The following SMARCAD1 variants were observed in gnomAD, a reference collection of about 807,000 sequenced individuals.
The protein encoded by SMARCAD1 is SNF2 related chromatin remodeling ATPase with DExD box 1, also known as SWI/SNF-related matrix-associated actin-dependent regulator of chromatin subfamily A containing DEAD/H box 1.
A neutral mutation model predicts 127.1 loss-of-function variants in SMARCAD1; 25 were observed. The observed-to-expected ratio is 0.20, with a 90% CI of 0.14 to 0.27. The LOEUF (loss-of-function observed/expected upper bound fraction) is 0.27, where lower values mean the gene tolerates loss of function less well. Ranked by LOEUF, SMARCAD1 falls within the 10% of genes least tolerant of loss-of-function variation. SMARCAD1 has a pLI of 1.00. For missense variants in SMARCAD1, 807 were observed against 1,206.0 expected (o/e 0.67, Z 4.90); for synonymous variants, 400 against 396.9 (o/e 1.01, Z -0.09).
At chr4:94,245,603 A>G (rs1748287374) in intron 6 of SMARCAD1, among the ~76,000 whole-genome samples, 1 of 152,172 alleles carries the variant, frequency 6.6e-6, no homozygotes, top group Admixed American at 6.6e-5. Context: ...ATTTCCATTC[A>G]TTTTCAGATA....
chr4:94,244,806 T>G (rs946480313), intron 6 of SMARCAD1, among the ~76,000 whole-genome samples: 2 of 152,048 alleles, frequency 1.3e-5, no homozygotes, highest in Non-Finnish European at 2.9e-5. Flanking sequence ...TATCAAGCTC[T>G]CTCTCTACAA....
chr4:94,286,578 ACT>A (rs199980010), intron 23 of SMARCAD1, among the ~76,000 whole-genome samples: 1,720 of 151,482 alleles, frequency 0.011, 35 homozygotes, highest in African/African-American at 0.039. Context: ...GTTGTAGACA[ACT>A]CTCTGTCTGC....
intron 21 of SMARCAD1, among the ~76,000 whole-genome samples, 180 bp from the exon 22 acceptor site, chr4:94,282,941 A>G (rs1401691810): frequency 3.3e-5 from 5 of 152,192 alleles, no homozygotes; most frequent in Non-Finnish European, 7.3e-5. Context: ...AATATCGTAG[A>G]AAAGAAGTTG....
intron 3 of SMARCAD1, among the ~76,000 whole-genome samples, chr4:94,226,769 C>T (rs1745083280): frequency 6.6e-6 from 1 of 151,828 alleles, no homozygotes; most frequent in African/African-American, 2.4e-5. Context: ...ATATTCTAGT[C>T]AGGTAGAAAA....
chr4:94,210,804 CG>C (rs1466205552), intron 2 of SMARCAD1, among the ~76,000 whole-genome samples: 3 of 151,190 alleles, frequency 2.0e-5, no homozygotes, highest in Non-Finnish European at 4.4e-5. Flanking sequence ...CATGGTGGAG[CG>C]TGCCTGTAAT....
intron 3 of SMARCAD1, among the ~76,000 whole-genome samples, chr4:94,231,030 A>G (rs138688809): frequency 3.0e-4 from 45 of 152,338 alleles, no homozygotes; most frequent in Admixed American, 4.6e-4. Flanking sequence ...TTTAAAAGAC[A>G]TTATTGTCCT....
At chr4:94,247,472 T>C (rs1400682589) in intron 6 of SMARCAD1, among the ~76,000 whole-genome samples, 2 of 152,220 alleles carry the variant, frequency 1.3e-5, no homozygotes, top group African/African-American at 4.8e-5. Flanking sequence ...ACTAAATATT[T>C]GATTCCGAAG....
chr4:94,243,218 C>T (rs549435779), intron 6 of SMARCAD1, among the ~76,000 whole-genome samples: 2 of 152,308 alleles, frequency 1.3e-5, no homozygotes, highest in South Asian at 4.1e-4. Flanking sequence ...GGATTACAGG[C>T]GGCAGCCACT....
chr4:94,244,010 A>G (rs1189039686), intron 6 of SMARCAD1, among the ~76,000 whole-genome samples: 1 of 152,240 alleles, frequency 6.6e-6, no homozygotes, highest in Admixed American at 6.5e-5. Flanking sequence ...AATCCACATT[A>G]TGGACCATCA....
intron 9 of SMARCAD1, among the ~76,000 whole-genome samples, chr4:94,257,141 G>A (rs1321911715): frequency 3.3e-5 from 5 of 152,144 alleles, no homozygotes; most frequent in African/African-American, 1.2e-4. Context: ...GGGCCATATT[G>A]ATGAGTTTTT....
chr4:94,245,091 C>T (rs1384313855), intron 6 of SMARCAD1, among the ~76,000 whole-genome samples: 1 of 152,008 alleles, frequency 6.6e-6, no homozygotes, highest in African/African-American at 2.4e-5. Flanking sequence ...TGACTTGATT[C>T]TTTATTTTGA....
intron 2 of SMARCAD1, among the ~76,000 whole-genome samples, chr4:94,212,385 G>T (rs1182597920): frequency 1.3e-5 from 2 of 152,094 alleles, no homozygotes; most frequent in South Asian, 2.1e-4. Flanking sequence ...ATGTTGACCA[G>T]GCTAGTGTCA....
intron 5 of SMARCAD1, among the ~76,000 whole-genome samples, chr4:94,238,264 C>G (rs761510785): frequency 1.3e-5 from 2 of 152,060 alleles, no homozygotes; most frequent in African/African-American, 4.8e-5. Flanking sequence ...TATCAAGATT[C>G]TTTTTTGTCT....
At chr4:94,213,310 A>G (rs1742586471) in intron 2 of SMARCAD1, among the ~76,000 whole-genome samples, 1 of 152,130 alleles carries the variant, frequency 6.6e-6, no homozygotes. Flanking sequence ...TGACCTTTGG[A>G]GTGGACTCTA....
At chr4:94,261,233 G>C (rs896597945) in intron 9 of SMARCAD1, among the ~76,000 whole-genome samples, 1 of 151,678 alleles carries the variant, frequency 6.6e-6, no homozygotes, top group Non-Finnish European at 1.5e-5. Context: ...TCTAACATTG[G>C]TTTTCTTAAT....
At chr4:94,219,070 C>A (rs62320365) in intron 2 of SMARCAD1, among the ~76,000 whole-genome samples, 127 of 152,262 alleles carry the variant, frequency 8.3e-4, no homozygotes, top group Middle Eastern at 3.4e-3. Context: ...CGTTGGCCTC[C>A]CAAAGTGCTG....
intron 16 of SMARCAD1, 95 bp from the exon 17 acceptor site, chr4:94,278,325 ACT>A (rs1374684368): frequency 1.1e-5 from 12 of 1,061,842 alleles, no homozygotes; most frequent in South Asian, 1.4e-5. Flanking sequence ...AATAACTCAG[ACT>A]CTAATGAGGG....
intron 6 of SMARCAD1, among the ~76,000 whole-genome samples, chr4:94,245,030 T>A (rs984200948): frequency 4.6e-5 from 7 of 152,224 alleles, no homozygotes; most frequent in African/African-American, 1.7e-4. Flanking sequence ...TGTTGAAGCC[T>A]GGAGTAATAT....
At chr4:94,272,822 T>C (rs979149099) in intron 11 of SMARCAD1, among the ~76,000 whole-genome samples, 1 of 152,164 alleles carries the variant, frequency 6.6e-6, no homozygotes, top group East Asian at 1.9e-4. Flanking sequence ...TCCTTTTTCT[T>C]TTTAAGCAGG....
Sources: allele counts gnomAD v4.1 joint callset (sites outside exome capture counted in the v4.1 genomes callset), GRCh38; gene constraint gnomAD v4.1.1; transcripts MANE v1.5; gene names NCBI Gene and HGNC (gene_info 2026-07-23, HGNC 2026-07-21).